The following ZSCAN5A variants were observed in gnomAD, a reference collection of about 807,000 sequenced individuals.
ZSCAN5A encodes zinc finger and SCAN domain-containing protein 5A.
ZSCAN5A carries 12 observed loss-of-function variants against 23.7 expected under a neutral mutation model. That is an observed-to-expected ratio of 0.51 (90% confidence interval 0.32 to 0.82). The LOEUF is 0.82. Among genes scored for constraint, ZSCAN5A ranks in the 40% least tolerant of loss-of-function variants. The pLI is 0.03. For synonymous variants in ZSCAN5A, 257 were observed against 239.9 expected, an observed-to-expected ratio of 1.07 and a Z score of -0.66; for missense variants, 597 against 617.9, an observed-to-expected ratio of 0.97 and a Z score of 0.36.
chr19:56,237,262 TC>T (rs1481797533), intron 2 of ZSCAN5A, among the ~76,000 whole-genome samples: 4 of 152,226 alleles, frequency 2.6e-5, no homozygotes, highest in African/African-American at 7.2e-5. Context: ...GACAACTCCA[TC>T]CGGTAACAGC....
At chr19:56,253,231 G>A (rs11084439) in intron 2 of ZSCAN5A, among the ~76,000 whole-genome samples, 47,021 of 148,434 alleles carry the variant, frequency 0.32, 8,043 homozygotes, top group Middle Eastern at 0.47. Flanking sequence ...TTGTGCCACT[G>A]CACTCCAGCT....
chr19:56,222,761 A>G lies in ZSCAN5A; in HGVS notation c.589-20T>C. 6.2e-7 allele frequency: 1 copy of G among 1,614,134 alleles called. No homozygotes were observed. Among genetic ancestry groups the G allele is most frequent in the Non-Finnish European group, 8.5e-7 (1 of 1,180,014 alleles). On this transcript the variant is annotated intron_variant, in intron 4 of 5. Coordinates refer to ENST00000683990, the MANE Select transcript of ZSCAN5A (RefSeq NM_001322064.3). ...CTCTCCCTGAAGAGGAAAAACCAAG[A>G]GTAATGACTGCTGTGTCCAAACTGG...
chr19:56,237,953 G>T (rs2035064076), intron 2 of ZSCAN5A, among the ~76,000 whole-genome samples: 2 of 3,664 alleles, frequency 5.5e-4, no homozygotes, highest in Admixed American at 3.1e-3. Context: ...TAGATCATAA[G>T]TGTTTCACCA....
chr19:56,268,663 T>C (rs1233557166), intron 2 of ZSCAN5A, among the ~76,000 whole-genome samples: 1 of 152,202 alleles, frequency 6.6e-6, no homozygotes, highest in African/African-American at 2.4e-5. Context: ...AAATTAACCA[T>C]TTTAAGTGTA....
chr19:56,270,961 C>A (rs555200061), intron 2 of ZSCAN5A, among the ~76,000 whole-genome samples: 4 of 152,356 alleles, frequency 2.6e-5, no homozygotes, highest in African/African-American at 9.6e-5. Context: ...TGACTCATCT[C>A]TGTCCCCAGA....
intron 2 of ZSCAN5A, chr19:56,297,629 C>CA: frequency 4.2e-6 from 3 of 707,572 alleles, no homozygotes; most frequent in African/African-American, 2.1e-5. Context: ...TTCAGGTAAT[C>CA]AAGGCCCTGC....
chr19:56,265,161 T>C (rs562621132), intron 2 of ZSCAN5A, among the ~76,000 whole-genome samples: 1 of 151,750 alleles, frequency 6.6e-6, no homozygotes, highest in South Asian at 2.1e-4. Context: ...TTATCCTGTA[T>C]GTAATGTTGA....
intron 2 of ZSCAN5A, among the ~76,000 whole-genome samples, chr19:56,360,776 T>A (rs192478435): frequency 6.3e-4 from 96 of 152,208 alleles, no homozygotes; most frequent in African/African-American, 1.9e-3. Flanking sequence ...CACATAAGCA[T>A]GGGCAAAGAT....
At chr19:56,269,445 C>T (rs1304718024) in intron 2 of ZSCAN5A, among the ~76,000 whole-genome samples, 2 of 152,116 alleles carry the variant, frequency 1.3e-5, no homozygotes, top group Non-Finnish European at 2.9e-5. Context: ...TGAAGATACC[C>T]ACATCTGACT....
chr19:56,282,672 A>G (rs2038803479), intron 2 of ZSCAN5A, among the ~76,000 whole-genome samples: 2 of 152,198 alleles, frequency 1.3e-5, no homozygotes. Context: ...AACAACAACA[A>G]CAACAAAAGC....
intron 2 of ZSCAN5A, among the ~76,000 whole-genome samples, chr19:56,328,160 G>A (rs544323020): frequency 6.6e-5 from 10 of 152,134 alleles, no homozygotes; most frequent in African/African-American, 2.4e-4. Flanking sequence ...TAGGTGGATG[G>A]GGATGTTTTT....
chr19:56,259,208 ATTAAT>A (rs1035901122), intron 2 of ZSCAN5A, among the ~76,000 whole-genome samples: 3 of 151,914 alleles, frequency 2.0e-5, no homozygotes, highest in Non-Finnish European at 2.9e-5. Flanking sequence ...TACTTATTTT[ATTAAT>A]TTTTTTTTTA....
At chr19:56,362,608 G>A (rs563593060) in intron 2 of ZSCAN5A, among the ~76,000 whole-genome samples, 17 of 152,082 alleles carry the variant, frequency 1.1e-4, no homozygotes, top group Middle Eastern at 3.4e-3. Flanking sequence ...GGTGGCTCAC[G>A]CCTGTAATCC....
intron 2 of ZSCAN5A, among the ~76,000 whole-genome samples, chr19:56,359,460 C>T (rs2041719064): frequency 6.6e-6 from 1 of 152,092 alleles, no homozygotes; most frequent in African/African-American, 2.4e-5. Context: ...AAAAAAAGCC[C>T]AGGACCAGAT....
chr19:56,291,075 G>A (rs2039478409), intron 2 of ZSCAN5A, among the ~76,000 whole-genome samples: 1 of 152,186 alleles, frequency 6.6e-6, no homozygotes, highest in South Asian at 2.1e-4. Context: ...GGTGGGTCTG[G>A]GGCTACATGC....
intron 2 of ZSCAN5A, among the ~76,000 whole-genome samples, chr19:56,323,127 C>G (rs2041395285): frequency 1.3e-5 from 2 of 152,134 alleles, no homozygotes; most frequent in Admixed American, 1.3e-4. Flanking sequence ...ATCTCCTGAT[C>G]TCATGATCCA....
intron 2 of ZSCAN5A, among the ~76,000 whole-genome samples, chr19:56,240,915 C>T (rs2035381254): frequency 1.3e-5 from 2 of 152,144 alleles, no homozygotes. Context: ...CGGTATGTTG[C>T]ACAGGCTGGT....
chr19:56,256,875 G>T (rs2036734554), intron 2 of ZSCAN5A, among the ~76,000 whole-genome samples: 1 of 152,038 alleles, frequency 6.6e-6, no homozygotes, highest in Non-Finnish European at 1.5e-5. Context: ...CCTGTTTTGC[G>T]ATGGATTATC....
At position 56,319,860 on chromosome 19, in the gene ZSCAN5A, G is replaced by A. The variant is rs890963267; in HGVS notation, c.-357-3592C>T. The A allele has an allele frequency of 8.8e-6, 7 of 799,534 alleles. No homozygotes were observed. The Middle Eastern group carries it at 6.8e-4, about 77-fold the overall frequency. 49.5% of individuals were successfully genotyped at this position (799,534 alleles called of 1,614,324 possible). On this transcript the variant is annotated intron_variant, in intron 2 of 6. Transcript: ENST00000587340. ...GCAGTTTTCATTAGTATAAAGAGCC[G>A]GCTTCCAGACACCCTTCCTTTTTGA...
Sources: allele counts gnomAD v4.1 joint callset (sites outside exome capture counted in the v4.1 genomes callset), GRCh38; gene constraint gnomAD v4.1.1; transcripts MANE v1.5; gene names NCBI Gene and HGNC (gene_info 2026-07-23, HGNC 2026-07-21).